The following MMP27 variants were observed in gnomAD, a reference collection of about 807,000 sequenced individuals.
MMP27 encodes the protein matrix metallopeptidase 27, also known as matrix metalloproteinase-27.
A neutral mutation model predicts 48.1 loss-of-function variants in MMP27; 51 were observed. The ratio of observed to expected loss-of-function variants is 1.06; its 90% CI spans 0.85 to 1.34. The LOEUF (loss-of-function observed/expected upper bound fraction) is 1.34, where lower values mean the gene tolerates loss of function less well. MMP27 is among the 40% of genes most tolerant of loss of function. The pLI, the probability that MMP27 is intolerant of heterozygous loss-of-function variation, is 0.00. For missense variants in MMP27, 698 were observed against 619.3 expected (o/e 1.13, Z -1.35); for synonymous variants, 229 against 208.9 (o/e 1.10, Z -0.83).
intron 6 of MMP27, 29 bp from the exon 7 acceptor site, chr11:102,695,126 T>G (rs1224947302): frequency 6.2e-7 from 1 of 1,606,548 alleles, no homozygotes; most frequent in Non-Finnish European, 8.5e-7. Flanking sequence ...ACTTTACACA[T>G]GCAGCCTATT....
In MMP27 at chr11:102,702,733, A is replaced by G; in HGVS notation, c.619+20T>C. On this transcript the variant is annotated intron_variant, in intron 4 of 9. Coordinates refer to ENST00000260229, the MANE Select transcript of MMP27 (RefSeq NM_022122.3). ...TCTTTAGAATAATAAGATTTTGTTCATAAAGAAAATTAGACTCACCTGCTC... is the reference window on the plus strand; with the variant it reads ...TCTTTAGAATAATAAGATTTTGTTCGTAAAGAAAATTAGACTCACCTGCTC... 1 of 1,580,090 alleles carries G rather than the reference A, an allele frequency of 6.3e-7. No homozygotes were observed.
chr11:102,696,584 G>A, intron 5 of MMP27, 90 bp downstream of exon 5: 1 of 1,570,850 alleles, frequency 6.4e-7, no homozygotes, highest in Non-Finnish European at 8.6e-7. Flanking sequence ...TTTGCTTCAT[G>A]ATAATATTTC....
At chr11:102,702,551 A>G (rs1457361276) in intron 4 of MMP27, among the ~76,000 whole-genome samples, 2 of 152,252 alleles carry the variant, frequency 1.3e-5, no homozygotes, top group African/African-American at 4.8e-5. Context: ...GAATGTATAA[A>G]TAATGAAGAC....
chr11:102,700,861 G>A (rs1192762696), intron 4 of MMP27, among the ~76,000 whole-genome samples: 1 of 152,208 alleles, frequency 6.6e-6, no homozygotes, highest in Non-Finnish European at 1.5e-5. Context: ...TGTTCTTCCC[G>A]GAGGAAGCAG....
chr11:102,702,921 T>C, intron 3 of MMP27, 40 bp from the exon 4 acceptor site: 1 of 1,611,948 alleles, frequency 6.2e-7, no homozygotes, highest in Non-Finnish European at 8.5e-7. Flanking sequence ...ATCAGCTTCC[T>C]CAAATCTCCT....
chr11:102,691,996 T>A lies in MMP27; in HGVS notation c.1312A>T (p.Ser438Cys). 6.2e-7 allele frequency: 1 copy of A among 1,602,084 alleles called. No individual in the cohort carries two copies. Among genetic ancestry groups the A allele is most frequent in the Non-Finnish European group, 8.5e-7 (1 of 1,173,624 alleles). ...AFQYKGFFFFSRGSKQFEYDI... is the reference protein window; with the variant it reads ...AFQYKGFFFFCRGSKQFEYDI... ...TATTCAAATTGCTTTGATCCACGGC[T>A]GAAAAAGAAGAATCCTAGAGACAGG... Residue 438 changes from serine (S) to cysteine (C), a missense_variant, in exon 10 of 10, where the codon AGC becomes TGC. Coordinates refer to ENST00000260229, the MANE Select transcript of MMP27 (RefSeq NM_022122.3).
intron 6 of MMP27, 67 bp from the exon 7 acceptor site, chr11:102,695,164 T>C: frequency 6.4e-7 from 1 of 1,555,538 alleles, no homozygotes; most frequent in South Asian, 1.2e-5. Flanking sequence ...TTTGTAATCT[T>C]AGGCTTGCCT....
intron 8 of MMP27, 89 bp from the exon 9 acceptor site, chr11:102,693,130 T>C: frequency 1.1e-6 from 1 of 918,090 alleles, no homozygotes. Context: ...CAAGCAGGGA[T>C]GTGGGGAATA....
chr11:102,692,252 G>C (rs1383539378), intron 9 of MMP27, among the ~76,000 whole-genome samples: 1 of 152,202 alleles, frequency 6.6e-6, no homozygotes, highest in East Asian at 1.9e-4. Flanking sequence ...TAGCCAGACT[G>C]TGGTCTATGC....
chr11:102,698,372 T>C (rs1013827360), intron 4 of MMP27, among the ~76,000 whole-genome samples: 1 of 152,076 alleles, frequency 6.6e-6, no homozygotes, highest in Non-Finnish European at 1.5e-5. Flanking sequence ...CAAAATATGA[T>C]TAAATGGCAC....
chr11:102,698,558 A>G (rs534797435), intron 4 of MMP27, among the ~76,000 whole-genome samples: 9 of 152,200 alleles, frequency 5.9e-5, no homozygotes, highest in African/African-American at 2.2e-4. Context: ...TATTCTTCAG[A>G]GGTTCTGTAT....
Position 102,705,753 on chromosome 11 carries a change from A to C in MMP27, c.-39T>G, listed in dbSNP as rs1285213414. 2.1e-6 allele frequency: 3 copies of C among 1,410,874 alleles called. No homozygotes were observed. The highest frequency in any genetic ancestry group is 2.9e-6 in the Non-Finnish European group (3 of 1,019,796). 87.4% of individuals were successfully genotyped at this position (1,410,874 alleles called of 1,614,324 possible). On this transcript the variant is annotated 5_prime_UTR_variant, in exon 1 of 10. Transcript: ENST00000260229. ...CAGCTGAAGCCGGTTCTGTTAGCAC[A>C]GAATTTAGAAAATAATAGTGAGACG...
At chr11:102,699,274 C>T (rs182875561) in intron 4 of MMP27, among the ~76,000 whole-genome samples, 82 of 151,986 alleles carry the variant, frequency 5.4e-4, no homozygotes, top group African/African-American at 2.0e-3. Flanking sequence ...CAAGAGCAGC[C>T]TGGGTAACAT....
intron 6 of MMP27, 128 bp from the exon 7 acceptor site, chr11:102,695,225 A>T: frequency 1.8e-6 from 2 of 1,082,998 alleles, no homozygotes; most frequent in Non-Finnish European, 2.7e-6. Context: ...AATTAGCATA[A>T]TTTTCCCCAG....
intron 4 of MMP27, among the ~76,000 whole-genome samples, chr11:102,698,523 T>C (rs1239058267): frequency 6.6e-6 from 1 of 152,084 alleles, no homozygotes; most frequent in Non-Finnish European, 1.5e-5. Flanking sequence ...GACTACAGTA[T>C]ATGTGATCAT....
chr11:102,700,699 T>C (rs907137162), intron 4 of MMP27, among the ~76,000 whole-genome samples: 5 of 152,392 alleles, frequency 3.3e-5, no homozygotes, highest in East Asian at 1.9e-4. Flanking sequence ...ACTGCATCTG[T>C]AGCAGTCTGT....
intron 9 of MMP27, 141 bp downstream of exon 9, chr11:102,692,797 G>A (rs779011417): frequency 3.3e-6 from 2 of 611,702 alleles, no homozygotes; most frequent in Non-Finnish European, 2.9e-6. Context: ...GATAATGTTT[G>A]TGGGGTTAAT....
In MMP27 at chr11:102,704,774, G is replaced by T. The variant is rs1861014716; in HGVS notation, c.104C>A (p.Ala35Glu). Reference sequence around the variant, plus strand: ...AAGAGAGTAGAACTGGTTGAGATATGCCTGACCAAAAAGATAAGAAAAAAA... The same window carrying T: ...AAGAGAGTAGAACTGGTTGAGATATTCCTGACCAAAAAGATAAGAAAAAAA... Reference protein sequence around the residue: ...ENEENMQLAQAYLNQFYSLEI... With the variant: ...ENEENMQLAQEYLNQFYSLEI... Residue 35 changes from alanine to glutamate, a missense_variant and splice_region_variant, in exon 2 of 10, where the codon GCA becomes GAA. Ala to Glu is a moderately radical substitution (Grantham distance 107). Transcript: ENST00000260229. 3 of 1,569,540 alleles carry T rather than the reference G, an allele frequency of 1.9e-6. No individual in the cohort carries two copies. Among genetic ancestry groups the T allele is most frequent in the Non-Finnish European group, 2.6e-6 (3 of 1,149,206 alleles).
intron 1 of MMP27, 90 bp downstream of exon 1, chr11:102,705,523 G>T: frequency 2.5e-6 from 2 of 801,100 alleles, no homozygotes; most frequent in South Asian, 2.0e-5. Flanking sequence ...GGACTCTTTT[G>T]CAGGAATGTG....
Sources: allele counts gnomAD v4.1 joint callset (sites outside exome capture counted in the v4.1 genomes callset), GRCh38; gene constraint gnomAD v4.1.1; transcripts MANE v1.5; gene names NCBI Gene and HGNC (gene_info 2026-07-23, HGNC 2026-07-21).